CAMK1D: variants seen among roughly 807,000 people sequenced by gnomAD.
CAMK1D encodes the protein calcium/calmodulin dependent protein kinase ID, also known as calcium/calmodulin-dependent protein kinase type 1D.
CAMK1D carries 9 observed loss-of-function variants against 47.7 expected under a neutral mutation model. That is an observed-to-expected ratio of 0.19 (90% CI 0.11 to 0.33). The LOEUF is 0.33. Ranked by LOEUF, CAMK1D falls within the 10% of genes least tolerant of loss-of-function variation. The pLI is 1.00. For missense variants in CAMK1D, 291 were observed against 488.7 expected, an observed-to-expected ratio of 0.60 and a Z score of 3.81; for synonymous variants, 184 against 184.9, an observed-to-expected ratio of 0.99 and a Z score of 0.04.
intron 5 of CAMK1D, among the ~76,000 whole-genome samples, chr10:12,778,260 C>A (rs542081651): frequency 6.6e-6 from 1 of 152,280 alleles, no homozygotes; most frequent in South Asian, 2.1e-4. Flanking sequence ...ACAATGAAAC[C>A]GAAATTGGTG....
At chr10:12,378,206 G>A (rs1838238138) in intron 1 of CAMK1D, among the ~76,000 whole-genome samples, 1 of 152,222 alleles carries the variant, frequency 6.6e-6, no homozygotes, top group South Asian at 2.1e-4. Context: ...TTCATCTAGT[G>A]CACTGCTCTC....
intron 1 of CAMK1D, among the ~76,000 whole-genome samples, chr10:12,463,130 G>GT (rs34084682): frequency 0.16 from 22,579 of 141,070 alleles, 1,813 homozygotes; most frequent in Non-Finnish European, 0.19. Context: ...AGCTCTAAGA[G>GT]TTTTTTTTTT....
chr10:12,818,672 A>C (rs1308199693), intron 8 of CAMK1D, among the ~76,000 whole-genome samples: 4 of 142,456 alleles, frequency 2.8e-5, no homozygotes, highest in African/African-American at 1.1e-4. Flanking sequence ...CTCTGTCCCA[A>C]AAAAAAAAAA....
intron 2 of CAMK1D, among the ~76,000 whole-genome samples, chr10:12,636,648 T>C (rs1839520270): frequency 6.6e-6 from 1 of 152,070 alleles, no homozygotes; most frequent in Non-Finnish European, 1.5e-5. Context: ...TTTTCGCCAA[T>C]GAGGAAACAG....
In CAMK1D at chr10:12,414,059, A is replaced by C. The variant is rs183348319; in HGVS notation, c.92+64149A>C. On this transcript the variant is annotated intron_variant, in intron 1 of 10. Transcript: ENST00000619168. Reference sequence around the variant, plus strand: ...TTACTTGAAAAATTAAGATTTAGCAACTCTCATCCAGTTCCCTGATAGTTG... The same window carrying C: ...TTACTTGAAAAATTAAGATTTAGCACCTCTCATCCAGTTCCCTGATAGTTG... Among the ~76,000 whole-genome samples the C allele has an allele frequency of 1.3e-3, 203 of 152,200 alleles. 2 individuals carry two copies. The highest frequency in any genetic ancestry group is 0.013 in the Admixed American group (201 of 15,268).
At chr10:12,816,821 G>A (rs1248608049) in intron 8 of CAMK1D, among the ~76,000 whole-genome samples, 1 of 144,680 alleles carries the variant, frequency 6.9e-6, no homozygotes, top group Non-Finnish European at 1.5e-5. Context: ...GCAGTGAGCT[G>A]AGATCGCACC....
intron 1 of CAMK1D, among the ~76,000 whole-genome samples, chr10:12,515,405 T>TTTTTTCTTTTTTC: frequency 1.2e-5 from 1 of 82,280 alleles, no homozygotes; most frequent in Middle Eastern, 5.2e-3. Flanking sequence ...TCCTTTTCTT[T>TTTTTTCTTTTTTC]TTTTTTTTTT....
chr10:12,710,937 G>A (rs1169290309), intron 3 of CAMK1D, among the ~76,000 whole-genome samples: 1 of 152,112 alleles, frequency 6.6e-6, no homozygotes, highest in African/African-American at 2.4e-5. Flanking sequence ...AACTTGTTCA[G>A]ACTATATACC....
intron 6 of CAMK1D, among the ~76,000 whole-genome samples, chr10:12,808,585 C>T (rs929515453): frequency 2.0e-5 from 3 of 152,106 alleles, no homozygotes; most frequent in African/African-American, 7.2e-5. Context: ...TGAGACCAGC[C>T]TGGCCAACAT....
At position 12,417,218 on chromosome 10, in the gene CAMK1D, A is replaced by G. The variant is rs369855051; in HGVS notation, c.92+67308A>G. On this transcript the variant is annotated intron_variant, in intron 1 of 10. Transcript: ENST00000619168. Reference sequence around the variant, plus strand: ...ACCTAGACGCAGGATGATGGACCCTATGACCTTCTGAGTCTTCTTCCATCT... The same window carrying G: ...ACCTAGACGCAGGATGATGGACCCTGTGACCTTCTGAGTCTTCTTCCATCT... 1.8e-4 allele frequency among the ~76,000 whole-genome samples: 27 copies of G among 152,258 alleles called. 1 individual carries two copies. In the South Asian group the frequency reaches 3.5e-3, roughly 20 times the overall value.
At chr10:12,556,275 A>G (rs1836758634) in intron 2 of CAMK1D, among the ~76,000 whole-genome samples, 1 of 152,242 alleles carries the variant, frequency 6.6e-6, no homozygotes, top group Admixed American at 6.5e-5. Flanking sequence ...TCATGGAGAC[A>G]TTCATTCATT....
chr10:12,631,570 A>G (rs528262350), intron 2 of CAMK1D, among the ~76,000 whole-genome samples: 9 of 152,334 alleles, frequency 5.9e-5, no homozygotes, highest in Admixed American at 5.9e-4. Flanking sequence ...GTCAGGTTAT[A>G]AATAACTCTG....
chr10:12,766,937 T>C (rs1836790525), intron 4 of CAMK1D, among the ~76,000 whole-genome samples: 1 of 152,110 alleles, frequency 6.6e-6, no homozygotes, highest in African/African-American at 2.4e-5. Flanking sequence ...GAGGGAGTCT[T>C]GGTGAGTTCT....
chr10:12,784,097 G>A (rs190355978), intron 5 of CAMK1D, among the ~76,000 whole-genome samples: 7 of 152,224 alleles, frequency 4.6e-5, no homozygotes, highest in Admixed American at 2.0e-4. Flanking sequence ...TAGCACCCAA[G>A]ATCTGACCAG....
chr10:12,524,251 C>T (rs1222954566), intron 1 of CAMK1D, among the ~76,000 whole-genome samples: 1 of 151,962 alleles, frequency 6.6e-6, no homozygotes, highest in Non-Finnish European at 1.5e-5. Flanking sequence ...AGGCGTGAGC[C>T]ACTGCACCTG....
intron 1 of CAMK1D, among the ~76,000 whole-genome samples, chr10:12,387,463 A>ATATATATATATATG (rs1370824211): frequency 1.5e-5 from 2 of 130,516 alleles, no homozygotes. Flanking sequence ...ATATATATAT[A>ATATATATATATATG]TAGACATTGT....
At chr10:12,793,430 A>G (rs1173693239) in intron 6 of CAMK1D, among the ~76,000 whole-genome samples, 1 of 152,216 alleles carries the variant, frequency 6.6e-6, no homozygotes, top group African/African-American at 2.4e-5. Context: ...ATGCTGCCAG[A>G]TGTTTCTTAG....
intron 2 of CAMK1D, among the ~76,000 whole-genome samples, chr10:12,574,744 T>C (rs1013783510): frequency 6.6e-6 from 1 of 152,190 alleles, no homozygotes; most frequent in Non-Finnish European, 1.5e-5. Flanking sequence ...TTCATGGTTC[T>C]GCAGGCTGTA....
intron 3 of CAMK1D, among the ~76,000 whole-genome samples, chr10:12,703,854 T>A (rs2130729719): frequency 6.8e-6 from 1 of 146,136 alleles, no homozygotes; most frequent in Middle Eastern, 3.7e-3. Context: ...GGACGACAGA[T>A]CGAGACTCCG....
Sources: allele counts gnomAD v4.1 joint callset (sites outside exome capture counted in the v4.1 genomes callset), GRCh38; gene constraint gnomAD v4.1.1; transcripts MANE v1.5; gene names NCBI Gene and HGNC (gene_info 2026-07-23, HGNC 2026-07-21).